The following OPRD1 variants were observed in gnomAD, a reference collection of about 807,000 sequenced individuals.
The protein encoded by OPRD1 is delta-type opioid receptor.
A neutral mutation model predicts 17.5 loss-of-function variants in OPRD1; 19 were observed. The ratio of observed to expected loss-of-function variants is 1.09; its 90% CI spans 0.76 to 1.60. The LOEUF (loss-of-function observed/expected upper bound fraction) is 1.60, where lower values mean the gene tolerates loss of function less well. Ranked by LOEUF, OPRD1 falls within the 40% of genes most tolerant of loss-of-function variation. The probability of loss-of-function intolerance (pLI) is 0.00; values close to 1 mark genes in which losing one functional copy is unlikely to be tolerated. For synonymous variants in OPRD1, 256 were observed against 240.9 expected (o/e 1.06, Z -0.58); for missense variants, 483 against 547.2 (o/e 0.88, Z 1.17).
In OPRD1 at chr1:28,870,829, C is replaced by T. The variant is rs910170110; in HGVS notation, c.*7546C>T. On this transcript the variant is annotated 3_prime_UTR_variant, in exon 3 of 3. Transcript: ENST00000234961. The stretch of plus-strand genomic sequence containing the variant: ...TGCCGGTGCAAATACACTCCTGTAA[C>T]GGGGCTCATCTAGAATCTCCTCTCG... The T allele has an allele frequency of 2.6e-5, 4 of 152,174 alleles. No homozygotes were observed. Among genetic ancestry groups the T allele is most frequent in the Admixed American group, 1.3e-4 (2 of 15,268 alleles). 9.4% of individuals were successfully genotyped at this position (152,174 alleles called of 1,614,324 possible). A position where few individuals can be genotyped will look rare whatever the true frequency, so the allele number is the denominator to read the frequency against.
chr1:28,837,275 G>A (rs552742419), intron 1 of OPRD1, among the ~76,000 whole-genome samples: 1 of 151,688 alleles, frequency 6.6e-6, no homozygotes, highest in Admixed American at 6.6e-5. Flanking sequence ...GGTAATGCGA[G>A]CAATGGGGAG....
At chr1:28,830,841 G>C (rs2124268220) in intron 1 of OPRD1, among the ~76,000 whole-genome samples, 1 of 152,360 alleles carries the variant, frequency 6.6e-6, no homozygotes, top group East Asian at 1.9e-4. Context: ...GGAACAGCAA[G>C]GGCAAAGGTT....
At chr1:28,831,697 T>C (rs558544907) in intron 1 of OPRD1, among the ~76,000 whole-genome samples, 2 of 152,244 alleles carry the variant, frequency 1.3e-5, no homozygotes, top group African/African-American at 4.8e-5. Context: ...GGCACCACCA[T>C]GCCTGGCTAA....
At chr1:28,846,841 CTTTCT>C (rs769306971) in intron 1 of OPRD1, among the ~76,000 whole-genome samples, 5,896 of 70,072 alleles carry the variant, frequency 0.084, 152 homozygotes, top group East Asian at 0.1. Flanking sequence ...TTCTTTCTTT[CTTTCT>C]TTTCTTTCTT....
chr1:28,816,031 G>A (rs1039811706), intron 1 of OPRD1, among the ~76,000 whole-genome samples: 1 of 152,214 alleles, frequency 6.6e-6, no homozygotes, highest in African/African-American at 2.4e-5. Flanking sequence ...TGAGGATTAA[G>A]TGGCATAATG....
chr1:28,862,664 G>T (rs1367195833), intron 2 of OPRD1, 78 bp from the exon 3 acceptor site: 17 of 1,400,784 alleles, frequency 1.2e-5, no homozygotes, highest in Non-Finnish European at 1.6e-5. Flanking sequence ...AGCCTTGAAA[G>T]GGTGGGCAAG....
At chr1:28,859,325 G>A in intron 2 of OPRD1, 22 bp downstream of exon 2, 1 of 1,592,196 alleles carries the variant, frequency 6.3e-7, no homozygotes, top group Non-Finnish European at 8.6e-7. Context: ...AGTGCACCAT[G>A]GCACAGGCCA....
chr1:28,860,210 C>A (rs576857274), intron 2 of OPRD1, among the ~76,000 whole-genome samples: 2 of 152,070 alleles, frequency 1.3e-5, no homozygotes. Context: ...ACTAAAAGTA[C>A]AAAAATTAGC....
chr1:28,814,553 C>G (rs550502798), intron 1 of OPRD1, among the ~76,000 whole-genome samples: 1 of 152,158 alleles, frequency 6.6e-6, no homozygotes, highest in Non-Finnish European at 1.5e-5. Context: ...CTCCAGGTGC[C>G]CAAGTCTGGA....
At chr1:28,854,347 C>T (rs1271848237) in intron 1 of OPRD1, among the ~76,000 whole-genome samples, 1 of 152,100 alleles carries the variant, frequency 6.6e-6, no homozygotes, top group Non-Finnish European at 1.5e-5. Flanking sequence ...CTTCCTCTGC[C>T]TCCTGAGTAG....
At chr1:28,815,539 TC>T in intron 1 of OPRD1, among the ~76,000 whole-genome samples, 1 of 152,296 alleles carries the variant, frequency 6.6e-6, no homozygotes, top group Middle Eastern at 3.4e-3. Flanking sequence ...GCTCAGTCCT[TC>T]CCCAGTGAAC....
rs188051404 is a variant in OPRD1, at chr1:28,870,435, G to C, written c.*7152G>C. 6 of 152,126 alleles carry C rather than the reference G, an allele frequency of 3.9e-5. No individual in the cohort carries two copies. Among genetic ancestry groups the C allele is most frequent in the African/African-American group, 1.4e-4 (6 of 41,484 alleles). The allele number at this position is 152,126 out of a possible 1,614,324, so 9.4% of individuals were successfully genotyped here. A position where few individuals can be genotyped will look rare whatever the true frequency, so the allele number is the denominator to read the frequency against. On this transcript the variant is annotated 3_prime_UTR_variant, in exon 3 of 3. Coordinates refer to ENST00000234961, the MANE Select transcript of OPRD1 (RefSeq NM_000911.4). ...ATTTTGTATTTTTAGTAGAGACGGG[G>C]TTTCGCCGTGTTGGCCAGGCTGGTC...
intron 1 of OPRD1, among the ~76,000 whole-genome samples, chr1:28,858,575 C>T (rs1321700668): frequency 3.6e-5 from 5 of 139,798 alleles, no homozygotes; most frequent in Admixed American, 7.3e-5. Context: ...GACAGAGCTT[C>T]GCTTTTATCG....
At chr1:28,822,555 A>G (rs2088725119) in intron 1 of OPRD1, among the ~76,000 whole-genome samples, 1 of 151,826 alleles carries the variant, frequency 6.6e-6, no homozygotes, top group South Asian at 2.1e-4. Context: ...ATCTCGGCTC[A>G]CTGCAACCTC....
intron 1 of OPRD1, among the ~76,000 whole-genome samples, chr1:28,842,339 G>A (rs2088902950): frequency 6.6e-6 from 1 of 152,200 alleles, no homozygotes; most frequent in Non-Finnish European, 1.5e-5. Context: ...TGAGCACCGG[G>A]CATTTAGACG....
At chr1:28,837,903 G>A (rs2088866417) in intron 1 of OPRD1, among the ~76,000 whole-genome samples, 1 of 148,554 alleles carries the variant, frequency 6.7e-6, no homozygotes, top group African/African-American at 2.5e-5. Flanking sequence ...CATCTGCAAA[G>A]TCCCTATTTC....
At chr1:28,820,193 ATTT>A (rs1271417329) in intron 1 of OPRD1, among the ~76,000 whole-genome samples, 3 of 128,860 alleles carry the variant, frequency 2.3e-5, no homozygotes, top group South Asian at 2.6e-4. Flanking sequence ...GAGGAACTAG[ATTT>A]TTTTTTTTTT....
At chr1:28,862,640 G>T in intron 2 of OPRD1, 102 bp from the exon 3 acceptor site, 1 of 1,095,722 alleles carries the variant, frequency 9.1e-7, no homozygotes. Flanking sequence ...GGAGGAGGTG[G>T]TGGGACTTGC....
At chr1:28,849,665 G>A (rs903739247) in intron 1 of OPRD1, among the ~76,000 whole-genome samples, 3 of 152,206 alleles carry the variant, frequency 2.0e-5, no homozygotes, top group Non-Finnish European at 4.4e-5. Flanking sequence ...GATAAGAGAG[G>A]AAGGCTAAAG....
Sources: allele counts gnomAD v4.1 joint callset (sites outside exome capture counted in the v4.1 genomes callset), GRCh38; gene constraint gnomAD v4.1.1; transcripts MANE v1.5; gene names NCBI Gene and HGNC (gene_info 2026-07-23, HGNC 2026-07-21).